Variants in ROS1 observed in about 807,000 individuals in gnomAD.
The protein encoded by ROS1 is proto-oncogene tyrosine-protein kinase ROS.
ROS1 carries 263 observed loss-of-function variants against 273.5 expected under a neutral mutation model. The observed-to-expected ratio is 0.96, with a 90% confidence interval of 0.87 to 1.06. The LOEUF (loss-of-function observed/expected upper bound fraction) is 1.06. ROS1 is among the 50% of genes least tolerant of loss of function. The pLI, the probability that ROS1 is intolerant of heterozygous loss-of-function variation, is 0.00. For synonymous variants in ROS1, 1,008 were observed against 954.1 expected, an observed-to-expected ratio of 1.06 and a Z score of -1.04; for missense variants, 2,833 against 2,751.1, an observed-to-expected ratio of 1.03 and a Z score of -0.67.
At chr6:117,373,838 T>C (rs1362667451) in intron 18 of ROS1, among the ~76,000 whole-genome samples, 1 of 152,218 alleles carries the variant, frequency 6.6e-6, no homozygotes, top group Non-Finnish European at 1.5e-5. Context: ...TTGTCACCTC[T>C]CAGCACTGCT....
intron 4 of ROS1, 129 bp downstream of exon 4, chr6:117,414,390 C>G: frequency 1.5e-6 from 1 of 657,600 alleles, no homozygotes; most frequent in African/African-American, 1.9e-5. Flanking sequence ...AGAGTAATAA[C>G]ACTTTGAGGA....
At position 117,365,755 on chromosome 6, in the gene ROS1, C is replaced by G. The variant is rs751115167; in HGVS notation, c.2798-14G>C. The G allele has an allele frequency of 2.7e-6, 4 of 1,499,420 alleles. No homozygotes were observed. The Admixed American group carries it at 9.7e-5, about 37-fold the overall frequency. The allele number at this position is 1,499,420 out of a possible 1,614,324, so 92.9% of individuals were successfully genotyped here. A position where few individuals can be genotyped will look rare whatever the true frequency, so the allele number is the denominator to read the frequency against. On this transcript the variant is annotated splice_polypyrimidine_tract_variant and intron_variant, in intron 19 of 43. Transcript: ENST00000368507. ...AGGAAAAGTTCCCTACAGGATGAAA[C>G]AAAAAAAAGAAATAGGAGAAAAAAA...
intron 35 of ROS1, among the ~76,000 whole-genome samples, chr6:117,323,494 T>C (rs547262113): frequency 6.6e-6 from 1 of 152,140 alleles, no homozygotes; most frequent in Non-Finnish European, 1.5e-5. Context: ...CTTCTTTTAA[T>C]GATTCAGTGT....
At chr6:117,381,521 T>A (rs1772144833) in intron 17 of ROS1, among the ~76,000 whole-genome samples, 1 of 152,040 alleles carries the variant, frequency 6.6e-6, no homozygotes. Flanking sequence ...TTACTTTACT[T>A]AGAATAATGG....
chr6:117,394,376 T>G, intron 10 of ROS1, 30 bp from the exon 11 acceptor site: 1 of 1,493,268 alleles, frequency 6.7e-7, no homozygotes, highest in Non-Finnish European at 8.9e-7. Context: ...GCACACACAT[T>G]ATTATATAAC....
chr6:117,330,020 G>A (rs1582639285), intron 32 of ROS1, among the ~76,000 whole-genome samples: 1 of 152,224 alleles, frequency 6.6e-6, no homozygotes, highest in South Asian at 2.1e-4. Context: ...CTCCTTGAGG[G>A]AGGGGCAGCA....
At position 117,288,447 on chromosome 6, in the gene ROS1, G is replaced by T; in HGVS notation, c.*45C>A. 6.8e-7 allele frequency: 1 copy of T among 1,480,586 alleles called. No homozygotes were observed. The highest frequency in any genetic ancestry group is 9.2e-7 in the Non-Finnish European group (1 of 1,083,832). The allele number at this position is 1,480,586 out of a possible 1,614,324, so 91.7% of individuals were successfully genotyped here. On this transcript the variant is annotated 3_prime_UTR_variant, in exon 44 of 44. Transcript: ENST00000368507. ...GCAGAGTTTTCTTTCAGTAACTACTGAATGAGAGTGTTTATCTCAACTCTC... is the reference window on the plus strand; with the variant it reads ...GCAGAGTTTTCTTTCAGTAACTACTTAATGAGAGTGTTTATCTCAACTCTC...
At position 117,389,367 on chromosome 6, in the gene ROS1, G is replaced by T. The variant is rs267600780; in HGVS notation, c.1769C>A (p.Ala590Asp). 1.2e-6 allele frequency: 2 copies of T among 1,613,722 alleles called. No homozygotes were observed. The highest frequency in any genetic ancestry group is 1.7e-6 in the Non-Finnish European group (2 of 1,179,802). The change falls in exon 13 of 44, where the codon GCC (alanine) becomes GAC (aspartate). Residue 590 changes from alanine (A) to aspartate (D), a missense_variant. Transcript: ENST00000368507. ...GCACTCACTGGCTCCTATGGCAAGG[G>T]CAGGAGGCTTCCATTGAACAAGAGC... is the stretch of plus-strand genomic sequence containing the variant. ...HQALVQWKPP[A>D]LAIGASPSAW... is the part of the protein sequence containing the mutation.
chr6:117,421,238 AAT>A (rs10553557), intron 1 of ROS1, among the ~76,000 whole-genome samples: 17,630 of 146,736 alleles, frequency 0.12, 1,113 homozygotes, highest in African/African-American at 0.14. Flanking sequence ...ATTATATTGC[AAT>A]ATATATATAT....
At chr6:117,347,150 T>C (rs1404504805) in intron 27 of ROS1, among the ~76,000 whole-genome samples, 1 of 152,164 alleles carries the variant, frequency 6.6e-6, no homozygotes, top group Non-Finnish European at 1.5e-5. Context: ...TATAGATAAG[T>C]TGAGAAGAAA....
chr6:117,388,503 G>A (rs980271423), intron 13 of ROS1, among the ~76,000 whole-genome samples: 2 of 152,100 alleles, frequency 1.3e-5, no homozygotes, highest in South Asian at 2.1e-4. Flanking sequence ...ACTTACTATC[G>A]TCTAGGGGAT....
intron 39 of ROS1, among the ~76,000 whole-genome samples, chr6:117,313,879 T>C (rs1323171084): frequency 1.3e-5 from 2 of 152,150 alleles, no homozygotes; most frequent in Non-Finnish European, 2.9e-5. Flanking sequence ...CAGGCCTTCA[T>C]TCTGCCTTCA....
At chr6:117,388,274 G>A (rs1005258096) in intron 13 of ROS1, among the ~76,000 whole-genome samples, 2 of 151,958 alleles carry the variant, frequency 1.3e-5, no homozygotes, top group African/African-American at 4.8e-5. Context: ...ATTGTCAGAG[G>A]GGTTCTCTAC....
chr6:117,373,615 C>T (rs993902003), intron 18 of ROS1, among the ~76,000 whole-genome samples: 7 of 152,224 alleles, frequency 4.6e-5, no homozygotes, highest in African/African-American at 7.2e-5. Context: ...ACCCAGAACT[C>T]GTGCTGGCCT....
intron 9 of ROS1, among the ~76,000 whole-genome samples, chr6:117,395,725 C>T (rs928110358): frequency 6.6e-6 from 1 of 152,024 alleles, no homozygotes; most frequent in Non-Finnish European, 1.5e-5. Context: ...GATACTTTGG[C>T]AGACTGAATA....
intron 31 of ROS1, among the ~76,000 whole-genome samples, chr6:117,338,883 G>A (rs1468923669): frequency 1.3e-5 from 2 of 152,120 alleles, no homozygotes; most frequent in African/African-American, 4.8e-5. Flanking sequence ...GGGTGGGAGT[G>A]AGGGGGAGTG....
chr6:117,406,882 C>G (rs1007591262), intron 5 of ROS1, among the ~76,000 whole-genome samples: 1 of 152,136 alleles, frequency 6.6e-6, no homozygotes, highest in Non-Finnish European at 1.5e-5. Context: ...CTGCACAACT[C>G]CTCCAATCTT....
At chr6:117,357,172 T>C (rs141465602) in intron 25 of ROS1, among the ~76,000 whole-genome samples, 30 of 152,342 alleles carry the variant, frequency 2.0e-4, no homozygotes, top group African/African-American at 6.3e-4. Flanking sequence ...TTAGGTGCTA[T>C]ATTAAAAGGC....
intron 38 of ROS1, 59 bp downstream of exon 38, chr6:117,318,129 T>C (rs1776046171): frequency 7.9e-7 from 1 of 1,264,694 alleles, no homozygotes; most frequent in African/African-American, 1.5e-5. Context: ...GTGTTAAAAA[T>C]AAGTCAAGCG....
Sources: gnomAD v4.1 joint callset for allele counts (sites outside exome capture counted in the v4.1 genomes callset) on GRCh38, gnomAD v4.1.1 for gene constraint, MANE v1.5 for transcripts, NCBI Gene and HGNC (gene_info 2026-07-23, HGNC 2026-07-21) for gene names.